Variants in DDX60L observed in about 807,000 individuals in gnomAD.
The protein encoded by DDX60L is probable ATP-dependent RNA helicase DDX60-like.
A neutral mutation model predicts 211.6 loss-of-function variants in DDX60L; 191 were observed. The observed-to-expected ratio is 0.90, with a 90% CI of 0.80 to 1.02. DDX60L has a LOEUF of 1.02. Among genes scored for constraint, DDX60L ranks in the 50% least tolerant of loss-of-function variants. DDX60L has a pLI of 0.00. For missense variants in DDX60L, 2,007 were observed against 1,984.1 expected, an observed-to-expected ratio of 1.01 and a Z score of -0.22; for synonymous variants, 706 against 694.1, an observed-to-expected ratio of 1.02 and a Z score of -0.27.
chr4:168,421,498 C>T (rs1268259511), intron 17 of DDX60L, among the ~76,000 whole-genome samples: 3 of 152,076 alleles, frequency 2.0e-5, no homozygotes, highest in South Asian at 4.2e-4. Flanking sequence ...CTACTAAAAA[C>T]ACAAAAATTA....
At chr4:168,406,747 T>C in intron 22 of DDX60L, 41 bp from the exon 23 acceptor site, 5 of 1,315,990 alleles carry the variant, frequency 3.8e-6, no homozygotes, top group Non-Finnish European at 5.3e-6. Flanking sequence ...AGAAATAAAA[T>C]TACAATGTTT....
intron 34 of DDX60L, among the ~76,000 whole-genome samples, chr4:168,374,409 C>T (rs1029706395): frequency 1.3e-5 from 2 of 152,170 alleles, no homozygotes; most frequent in Non-Finnish European, 2.9e-5. Flanking sequence ...TTTATGGCTC[C>T]ACTCTTTACT....
chr4:168,454,420 T>A lies in DDX60L; in HGVS notation c.838-1138A>T, dbSNP rs553983250. 6.6e-5 allele frequency among the ~76,000 whole-genome samples: 10 copies of A among 152,272 alleles called. No individual in the cohort carries two copies. In the East Asian group the frequency reaches 1.7e-3, roughly 26 times the overall value. On this transcript the variant is annotated intron_variant, in intron 7 of 37. Transcript: ENST00000682922. ...CACTGTATGAGTCAGTTCTCCTATA[T>A]GTATAAAATTGGGATAGTAACAGTA...
intron 36 of DDX60L, among the ~76,000 whole-genome samples, chr4:168,362,943 T>A (rs557703336): frequency 6.6e-6 from 1 of 152,282 alleles, no homozygotes; most frequent in East Asian, 1.9e-4. Context: ...TTGGGAGATA[T>A]ATGCATCTAA....
chr4:168,406,105 A>C, intron 23 of DDX60L, 27 bp from the exon 24 acceptor site: 1 of 1,583,066 alleles, frequency 6.3e-7, no homozygotes, highest in Non-Finnish European at 8.5e-7. Flanking sequence ...TCACAAAATT[A>C]AGCTAAGCTA....
chr4:168,477,718 A>T (rs1759778222), intron 1 of DDX60L, among the ~76,000 whole-genome samples: 1 of 152,218 alleles, frequency 6.6e-6, no homozygotes, highest in Non-Finnish European at 1.5e-5. Flanking sequence ...AACCCAGGTG[A>T]TGCAAAGCAA....
intron 10 of DDX60L, among the ~76,000 whole-genome samples, chr4:168,435,803 C>T (rs569807707): frequency 2.0e-5 from 3 of 152,284 alleles, no homozygotes; most frequent in South Asian, 4.1e-4. Context: ...TCATATTACG[C>T]TGCTCGGATC....
chr4:168,441,714 T>C (rs192387483), intron 9 of DDX60L, among the ~76,000 whole-genome samples: 2 of 152,116 alleles, frequency 1.3e-5, no homozygotes, highest in East Asian at 3.9e-4. Context: ...CCAGGTACTG[T>C]GACATGGGCC....
intron 9 of DDX60L, among the ~76,000 whole-genome samples, chr4:168,441,938 G>A (rs1007711350): frequency 6.6e-6 from 1 of 152,124 alleles, no homozygotes; most frequent in Non-Finnish European, 1.5e-5. Flanking sequence ...ATATAAGCTT[G>A]CAACTTTAAA....
intron 1 of DDX60L, among the ~76,000 whole-genome samples, chr4:168,477,506 A>C (rs1462593164): frequency 6.6e-6 from 1 of 152,186 alleles, no homozygotes; most frequent in Non-Finnish European, 1.5e-5. Flanking sequence ...TGCAAGATAC[A>C]CCATCATTTT....
rs148579707 is a variant in DDX60L, at chr4:168,411,097, GT to G, written c.2979+4310del. 2.0e-5 allele frequency among the ~76,000 whole-genome samples: 3 copies of G among 152,290 alleles called. No individual in the cohort carries two copies. The South Asian group carries it at 6.2e-4, about 32-fold the overall frequency. ...GAATGTATACACACACAATTTAGGG[GT>G]TTTTCACTTTTCTATGAAGTCCATC... On this transcript the variant is annotated intron_variant, in intron 22 of 37. Coordinates refer to ENST00000682922, the MANE Select transcript of DDX60L (RefSeq NM_001012967.3).
At chr4:168,372,974 C>A (rs1741298108) in intron 35 of DDX60L, among the ~76,000 whole-genome samples, 1 of 151,868 alleles carries the variant, frequency 6.6e-6, no homozygotes, top group Non-Finnish European at 1.5e-5. Flanking sequence ...TTATAATGAA[C>A]CTGAAATTGC....
At chr4:168,428,515 G>A (rs1193090397) in intron 13 of DDX60L, among the ~76,000 whole-genome samples, 3 of 152,094 alleles carry the variant, frequency 2.0e-5, no homozygotes, top group African/African-American at 7.2e-5. Flanking sequence ...TCTTTTCCTT[G>A]TGGGGCTTTT....
chr4:168,370,581 T>C (rs2149629818), intron 36 of DDX60L, among the ~76,000 whole-genome samples: 1 of 152,122 alleles, frequency 6.6e-6, no homozygotes, highest in South Asian at 2.1e-4. Flanking sequence ...AGAAGAGAGG[T>C]TTTGAACATT....
At chr4:168,404,568 A>C (rs991153990) in intron 24 of DDX60L, among the ~76,000 whole-genome samples, 1 of 152,180 alleles carries the variant, frequency 6.6e-6, no homozygotes, top group Non-Finnish European at 1.5e-5. Flanking sequence ...TAGTATACAG[A>C]CATGTTTATA....
intron 5 of DDX60L, among the ~76,000 whole-genome samples, chr4:168,458,758 A>G (rs568655759): frequency 2.6e-5 from 4 of 152,322 alleles, no homozygotes; most frequent in Admixed American, 2.6e-4. Context: ...GCACACATTT[A>G]CCTATGTAAC....
intron 19 of DDX60L, among the ~76,000 whole-genome samples, chr4:168,418,756 C>G (rs1239102558): frequency 6.6e-6 from 1 of 152,232 alleles, no homozygotes; most frequent in African/African-American, 2.4e-5. Flanking sequence ...ACACCATTCG[C>G]CACCTTCCTC....
intron 22 of DDX60L, among the ~76,000 whole-genome samples, chr4:168,412,973 G>T (rs1748945811): frequency 6.6e-6 from 1 of 152,208 alleles, no homozygotes; most frequent in Non-Finnish European, 1.5e-5. Flanking sequence ...TGAGCTTGGG[G>T]TGCCCCCCAG....
intron 35 of DDX60L, 94 bp downstream of exon 35, chr4:168,373,572 T>G: frequency 8.0e-7 from 1 of 1,252,638 alleles, no homozygotes; most frequent in Non-Finnish European, 1.1e-6. Flanking sequence ...TTTTTCAGTG[T>G]TTTGGGTTTG....
Sources: allele counts gnomAD v4.1 joint callset (sites outside exome capture counted in the v4.1 genomes callset), GRCh38; gene constraint gnomAD v4.1.1; transcripts MANE v1.5; gene names NCBI Gene and HGNC (gene_info 2026-07-23, HGNC 2026-07-21).